SAMSN1: variants seen among roughly 807,000 people sequenced by gnomAD.
SAMSN1 encodes SAM domain-containing protein SAMSN-1.
In SAMSN1, 31 loss-of-function variants were observed where a neutral mutation model predicts 42.0. The observed-to-expected ratio is 0.74, with a 90% CI of 0.55 to 1.00. The LOEUF is 1.00. SAMSN1 is among the 50% of genes least tolerant of loss of function. The pLI, the probability that SAMSN1 is intolerant of heterozygous loss-of-function variation, is 0.00. For missense variants in SAMSN1, 464 were observed against 439.4 expected (o/e 1.06, Z -0.50); for synonymous variants, 178 against 151.9 (o/e 1.17, Z -1.26).
chr21:14,644,042 G>A (rs532770847), intron 1 of SAMSN1, among the ~76,000 whole-genome samples: 12 of 152,126 alleles, frequency 7.9e-5, no homozygotes, highest in South Asian at 2.1e-4. Flanking sequence ...AAACCTTGCC[G>A]CCCAGGGCTG....
At chr21:14,562,975 C>T (rs1264091005) in intron 2 of SAMSN1, among the ~76,000 whole-genome samples, 25 of 152,126 alleles carry the variant, frequency 1.6e-4, no homozygotes, top group Admixed American at 1.6e-3. Context: ...TTAGCTGTTT[C>T]TAGTCTTGGA....
intron 5 of SAMSN1, among the ~76,000 whole-genome samples, chr21:14,501,788 T>A (rs957032451): frequency 6.6e-6 from 1 of 152,206 alleles, no homozygotes; most frequent in African/African-American, 2.4e-5. Flanking sequence ...AGATAACATT[T>A]AGATTGAGCT....
At chr21:14,611,857 T>A (rs1000728) in intron 4 of SAMSN1, among the ~76,000 whole-genome samples, 8 of 151,822 alleles carry the variant, frequency 5.3e-5, no homozygotes, top group African/African-American at 1.7e-4. Flanking sequence ...TAAAAAAGAA[T>A]GAAATGAGTA....
At chr21:14,488,587 G>A (rs1265687106) in intron 7 of SAMSN1, among the ~76,000 whole-genome samples, 1 of 152,130 alleles carries the variant, frequency 6.6e-6, no homozygotes. Context: ...ATGTCATTGT[G>A]TAATATTAGT....
intron 2 of SAMSN1, among the ~76,000 whole-genome samples, chr21:14,630,700 T>C (rs984199452): frequency 6.6e-6 from 1 of 152,128 alleles, no homozygotes; most frequent in African/African-American, 2.4e-5. Flanking sequence ...ATTGGCTTGT[T>C]ATGAGTCATT....
intron 1 of SAMSN1, among the ~76,000 whole-genome samples, chr21:14,536,027 AG>A (rs1295867031): frequency 6.6e-6 from 1 of 152,242 alleles, no homozygotes; most frequent in Non-Finnish European, 1.5e-5. Flanking sequence ...CAACAGAGAT[AG>A]TTTAAAATCT....
chr21:14,604,791 T>G (rs1380876987), intron 5 of SAMSN1, among the ~76,000 whole-genome samples: 1 of 152,206 alleles, frequency 6.6e-6, no homozygotes, highest in East Asian at 1.9e-4. Flanking sequence ...TTGTCAGACA[T>G]GTAAGTGAAG....
At chr21:14,614,098 C>T (rs1179239788) in intron 3 of SAMSN1, among the ~76,000 whole-genome samples, 1 of 152,128 alleles carries the variant, frequency 6.6e-6, no homozygotes, top group African/African-American at 2.4e-5. Flanking sequence ...GCATTTGAGT[C>T]TGTCAGAAAT....
chr21:14,509,240 A>G (rs1465916843), intron 5 of SAMSN1, among the ~76,000 whole-genome samples: 10 of 152,244 alleles, frequency 6.6e-5, no homozygotes, highest in Non-Finnish European at 1.5e-4. Flanking sequence ...GAATGAATTA[A>G]TGGCATTTGC....
chr21:14,641,786 A>G (rs947829595), intron 2 of SAMSN1, among the ~76,000 whole-genome samples: 3 of 152,202 alleles, frequency 2.0e-5, no homozygotes, highest in Non-Finnish European at 4.4e-5. Flanking sequence ...AGAAGTTTAT[A>G]TGTATTAAAT....
At chr21:14,545,581 A>G (rs1243855903) in intron 1 of SAMSN1, among the ~76,000 whole-genome samples, 1 of 152,082 alleles carries the variant, frequency 6.6e-6, no homozygotes, top group Non-Finnish European at 1.5e-5. Flanking sequence ...CAAAGAACAG[A>G]GTAACATTCC....
chr21:14,587,743 C>T (rs1457693327), upstream of SAMSN1, among the ~76,000 whole-genome samples: 2 of 146,636 alleles, frequency 1.4e-5, no homozygotes, highest in East Asian at 2.0e-4. Context: ...TTATCCATCA[C>T]CTTATTTATT....
intron 4 of SAMSN1, among the ~76,000 whole-genome samples, chr21:14,610,192 C>T (rs571815258): frequency 3.9e-5 from 6 of 152,182 alleles, no homozygotes; most frequent in Admixed American, 1.3e-4. Context: ...AGAGAAATAT[C>T]GCTGAATTCT....
intron 5 of SAMSN1, among the ~76,000 whole-genome samples, chr21:14,604,801 G>A (rs530226251): frequency 1.3e-5 from 2 of 152,334 alleles, no homozygotes; most frequent in Admixed American, 6.5e-5. Context: ...TGTAAGTGAA[G>A]GAGCCTCTGT....
chr21:14,589,585 A>T (rs1413268055), intron 7 of SAMSN1, among the ~76,000 whole-genome samples: 2 of 152,090 alleles, frequency 1.3e-5, no homozygotes, highest in Non-Finnish European at 2.9e-5. Context: ...ACCTACATAT[A>T]TTTGCTGGAA....
chr21:14,498,540 T>C lies in SAMSN1; in HGVS notation c.821A>G (p.Lys274Arg), dbSNP rs1987004038. 6.2e-7 allele frequency: 1 copy of C among 1,610,830 alleles called. No homozygotes were observed. Among genetic ancestry groups the C allele is most frequent in the Non-Finnish European group, 8.5e-7 (1 of 1,178,554 alleles). The change falls in exon 7 of 8, where the codon AAA becomes AGA. Residue 274 changes from lysine to arginine, a missense_variant. Physicochemically the swap from Lys to Arg is conservative, Grantham distance 26. Transcript: ENST00000400566. Reference sequence around the variant, plus strand: ...AATGAGGTGACTCTCTTTTATATCTTTTAAATCTTCTAGAGTCTCATAACC... The same window carrying C: ...AATGAGGTGACTCTCTTTTATATCTCTTAAATCTTCTAGAGTCTCATAACC... ...LNGYETLEDLKDIKESHLIEL... is the reference protein window; with the variant it reads ...LNGYETLEDLRDIKESHLIEL...
intron 1 of SAMSN1, among the ~76,000 whole-genome samples, chr21:14,536,646 G>A (rs904992038): frequency 6.6e-6 from 1 of 152,072 alleles, no homozygotes; most frequent in South Asian, 2.1e-4. Flanking sequence ...GGTGCACTAC[G>A]AATTAAAATA....
chr21:14,561,315 C>T (rs9982591), intron 2 of SAMSN1, among the ~76,000 whole-genome samples: 1 of 151,944 alleles, frequency 6.6e-6, no homozygotes, highest in Non-Finnish European at 1.5e-5. Flanking sequence ...AAAACCACCT[C>T]CAAGCCTTTG....
At chr21:14,560,796 T>C (rs1259450308) in intron 2 of SAMSN1, among the ~76,000 whole-genome samples, 2 of 152,190 alleles carry the variant, frequency 1.3e-5, no homozygotes, top group South Asian at 2.1e-4. Flanking sequence ...TGTAAATGTA[T>C]ACATGCTCGC....
Sources: gnomAD v4.1 joint callset for allele counts (sites outside exome capture counted in the v4.1 genomes callset) on GRCh38, gnomAD v4.1.1 for gene constraint, MANE v1.5 for transcripts, NCBI Gene and HGNC (gene_info 2026-07-23, HGNC 2026-07-21) for gene names.